RAC2: variants seen among roughly 807,000 people sequenced by gnomAD.
RAC2 encodes Rac family small GTPase 2.
Under a neutral mutation model 24.0 loss-of-function variants are expected in RAC2, and 1 was observed. That is an observed-to-expected ratio of 0.04 (90% confidence interval 0.01 to 0.20). The LOEUF is 0.20. Among genes scored for constraint, RAC2 ranks in the 10% least tolerant of loss-of-function variants. RAC2 has a pLI of 1.00. For missense variants in RAC2, 130 were observed against 259.1 expected, an observed-to-expected ratio of 0.50 and a Z score of 3.42; for synonymous variants, 114 against 106.8, an observed-to-expected ratio of 1.07 and a Z score of -0.41.
At chr22:37,241,288 C>T in intron 2 of RAC2, 3 of 678,104 alleles carry the variant, frequency 4.4e-6, no homozygotes, top group Admixed American at 4.2e-5. Context: ...CCTCTCCCAG[C>T]TCCTGCTCTT....
intron 1 of RAC2, among the ~76,000 whole-genome samples, chr22:37,242,737 G>A (rs978595064): frequency 6.6e-6 from 1 of 152,252 alleles, no homozygotes; most frequent in Non-Finnish European, 1.5e-5. Context: ...GGCAGATAAG[G>A]AGCCATGCAT....
intron 2 of RAC2, among the ~76,000 whole-genome samples, chr22:37,239,739 C>T (rs776632148): frequency 2.0e-5 from 3 of 152,112 alleles, no homozygotes; most frequent in Admixed American, 6.5e-5. Flanking sequence ...TGCACAAAGG[C>T]GGGACAAGGT....
chr22:37,232,760 C>G lies in RAC2; in HGVS notation c.225+41G>C, dbSNP rs1268591676. On this transcript the variant is annotated intron_variant, in intron 3 of 6. Transcript: ENST00000249071. ...GCATCCCAAGCAGAGGGAACAGAGACAGCAAAGGTCAGGACTGCAAGGCAG... is the reference window on the plus strand; with the variant it reads ...GCATCCCAAGCAGAGGGAACAGAGAGAGCAAAGGTCAGGACTGCAAGGCAG... 3.9e-6 allele frequency: 6 copies of G among 1,530,730 alleles called. No individual in the cohort carries two copies. The African/African-American group carries it at 8.2e-5, about 21-fold the overall frequency. 94.8% of individuals were successfully genotyped at this position (1,530,730 alleles called of 1,614,324 possible).
Position 37,237,319 on chromosome 22 carries a change from A to G in RAC2, c.107+4268T>C, listed in dbSNP as rs377460514. Among the ~76,000 whole-genome samples the G allele has an allele frequency of 1.4e-4, 21 of 152,060 alleles. 1 individual carries two copies. In the East Asian group the frequency reaches 2.7e-3, roughly 20 times the overall value. On this transcript the variant is annotated intron_variant, in intron 2 of 6. Coordinates refer to ENST00000249071, the MANE Select transcript of RAC2 (RefSeq NM_002872.5). ...AGAGGGGGAAACTGGCACATCAGCCAGGAGGGGAGGCCCTTACCGTGCTAT... is the reference window on the plus strand; with the variant it reads ...AGAGGGGGAAACTGGCACATCAGCCGGGAGGGGAGGCCCTTACCGTGCTAT...
chr22:37,226,637 A>G (rs764821645), intron 6 of RAC2, 34 bp downstream of exon 6: 10 of 1,610,106 alleles, frequency 6.2e-6, no homozygotes, highest in Non-Finnish European at 6.8e-6. Context: ...CCTGCTGTGT[A>G]TGGGAGTTGG....
chr22:37,226,691 G>T lies in RAC2; in HGVS notation c.561C>A (p.Arg187=). The T allele has an allele frequency of 6.2e-7, 1 of 1,612,978 alleles. No homozygotes were observed. Among genetic ancestry groups the T allele is most frequent in the Non-Finnish European group, 8.5e-7 (1 of 1,179,524 alleles). Residue 187 remains arginine (R), a synonymous_variant, in exon 6 of 7, where the codon CGC becomes CGA. Transcript: ENST00000249071. ...LCPQPTRQQK[R]ACSLL ...CTTACCCCTAGAGGAGGCTGCAGGC[G>T]CGCTTCTGCTGCCGCGTGGGCTGAG...
At chr22:37,242,985 T>C (rs1242466735) in intron 1 of RAC2, among the ~76,000 whole-genome samples, 2 of 151,842 alleles carry the variant, frequency 1.3e-5, no homozygotes, top group African/African-American at 4.8e-5. Context: ...GATTGACAAA[T>C]TGGACCTGTC....
rs775274909 is a variant in RAC2 at position 37,226,708 on chromosome 22, T to C, written c.544A>G (p.Thr182Ala). The change falls in exon 6 of 7, where the codon ACG (threonine) becomes GCG (alanine). Residue 182 changes from threonine (T) to alanine (A), a missense_variant. Thr to Ala is a moderately conservative substitution (Grantham distance 58). This residue lies in a region of RAC2 where 119 missense variants were observed against 192.1 expected (regional missense o/e 0.62). Transcript: ENST00000249071. ...CTGCAGGCGCGCTTCTGCTGCCGCG[T>C]GGGCTGAGGGCACAGCACGGCCCGG... ...AIRAVLCPQP[T>A]RQQKRACSLL The C allele has an allele frequency of 5.0e-6, 8 of 1,613,098 alleles. No individual in the cohort carries two copies. Among genetic ancestry groups the C allele is most frequent in the Non-Finnish European group, 6.8e-6 (8 of 1,179,564 alleles).
chr22:37,242,482 G>C (rs1401520192), intron 1 of RAC2, among the ~76,000 whole-genome samples: 1 of 152,182 alleles, frequency 6.6e-6, no homozygotes, highest in Non-Finnish European at 1.5e-5. Context: ...GCGAGGCTGG[G>C]AGCGGGTGCA....
At chr22:37,227,925 C>T (rs760897785) in intron 5 of RAC2, among the ~76,000 whole-genome samples, 15 of 152,116 alleles carry the variant, frequency 9.9e-5, no homozygotes, top group East Asian at 1.9e-4. Flanking sequence ...GGAAGGAGGG[C>T]GGGAATTTTG....
chr22:37,241,114 C>T, intron 2 of RAC2: 2 of 777,520 alleles, frequency 2.6e-6, no homozygotes, highest in Non-Finnish European at 4.8e-6. Context: ...CCCTCCACGT[C>T]CGATGACAGC....
intron 2 of RAC2, among the ~76,000 whole-genome samples, chr22:37,233,735 C>A: frequency 6.6e-6 from 1 of 152,224 alleles, no homozygotes; most frequent in Non-Finnish European, 1.5e-5. Context: ...GAGGGGACAG[C>A]AGCTGACACA....
chr22:37,231,199 C>A lies in RAC2; in HGVS notation c.448+32G>T. The A allele has an allele frequency of 6.2e-7, 1 of 1,612,206 alleles. No homozygotes were observed. The highest frequency in any genetic ancestry group is 8.5e-7 in the Non-Finnish European group (1 of 1,179,778). The stretch of plus-strand genomic sequence containing the variant: ...GGCCAAGTCAGGGCCTCCCCTGCAG[C>A]CAGATCGCCCCTCTGAGCCCGAGGC... On this transcript the variant is annotated intron_variant, in intron 5 of 6. Coordinates refer to ENST00000249071, the MANE Select transcript of RAC2 (RefSeq NM_002872.5). The surrounding 1 kb of genome is among the most constrained non-coding windows in gnomAD (Gnocchi z 5.5).
Position 37,244,179 on chromosome 22 carries a change from G to A in RAC2, c.-31C>T. ...CCGGAGCCTGGAGAGTGTCGGTGGT[G>A]ACAGCTCAGGGCCAGGCGCGTTTCT... On this transcript the variant is annotated 5_prime_UTR_variant, in exon 1 of 7. Coordinates refer to ENST00000249071, the MANE Select transcript of RAC2 (RefSeq NM_002872.5). 6 of 1,612,790 alleles carry A rather than the reference G, an allele frequency of 3.7e-6. 1 individual carries two copies. The South Asian group carries it at 5.5e-5, about 15-fold the overall frequency.
intron 5 of RAC2, among the ~76,000 whole-genome samples, chr22:37,227,399 C>T (rs372340332): frequency 5.4e-5 from 3 of 55,844 alleles, no homozygotes; most frequent in East Asian, 6.5e-4. Flanking sequence ...ACCCCTCCCA[C>T]GCCATACACC....
In RAC2 at chr22:37,231,272, G is replaced by A; in HGVS notation, c.407C>T (p.Pro136Leu). 6.2e-7 allele frequency: 1 copy of A among 1,613,886 alleles called. No individual in the cohort carries two copies. Among genetic ancestry groups the A allele is most frequent in the East Asian group, 2.2e-5 (1 of 44,874 alleles). The part of the protein sequence containing the change: ...IEKLKEKKLA[P>L]ITYPQGLALA... ...TGCCAGGCCCTGCGGGTAGGTGATG[G>A]GAGCCAGCTTCTTCTCCTTCAGTTT... Residue 136 changes from proline (P) to leucine (L), a missense_variant, in exon 5 of 7, where the codon CCC (proline) becomes CTC (leucine). Around this residue, in one of 2 missense-constraint regions of RAC2, gnomAD observed 119 missense variants for 192.1 expected, o/e 0.62. Coordinates refer to ENST00000249071, the MANE Select transcript of RAC2 (RefSeq NM_002872.5). The surrounding 1 kb of genome is among the most constrained non-coding windows in gnomAD (Gnocchi z 5.5).
chr22:37,242,652 G>A (rs1296191821), intron 1 of RAC2, among the ~76,000 whole-genome samples: 3 of 152,320 alleles, frequency 2.0e-5, no homozygotes, highest in South Asian at 2.1e-4. Flanking sequence ...TGACTGGAAC[G>A]TTAACCCTTG....
chr22:37,243,563 T>C (rs575493259), intron 1 of RAC2, among the ~76,000 whole-genome samples: 14 of 151,348 alleles, frequency 9.3e-5, no homozygotes, highest in East Asian at 3.9e-4. Context: ...GTGGAGGGGG[T>C]GCTAGAAGGC....
chr22:37,229,297 A>AG (rs1926984341), intron 5 of RAC2, among the ~76,000 whole-genome samples: 2 of 151,858 alleles, frequency 1.3e-5, no homozygotes, highest in African/African-American at 4.8e-5. Flanking sequence ...AAGGAGGGTG[A>AG]GGGGGCGGTG....
Sources: gnomAD v4.1 joint callset for allele counts (sites outside exome capture counted in the v4.1 genomes callset) on GRCh38, gnomAD v4.1.1 for gene constraint, gnomAD v4.1.1 regional missense constraint, Gnocchi (gnomAD v3.1) non-coding constraint, MANE v1.5 for transcripts, NCBI Gene and HGNC (gene_info 2026-07-23, HGNC 2026-07-21) for gene names.